CEP162: variants seen among roughly 807,000 people sequenced by gnomAD.
The protein encoded by CEP162 is centrosomal protein 162.
A neutral mutation model predicts 169.2 loss-of-function variants in CEP162; 141 were observed. The ratio of observed to expected loss-of-function variants is 0.83; its 90% confidence interval spans 0.73 to 0.96. The LOEUF (loss-of-function observed/expected upper bound fraction) is 0.96, where lower values mean the gene tolerates loss of function less well. Ranked by LOEUF, CEP162 falls within the 40% of genes least tolerant of loss-of-function variation. CEP162 has a pLI of 0.00. For missense variants in CEP162, 1,600 were observed against 1,587.2 expected, an observed-to-expected ratio of 1.01 and a Z score of -0.14; for synonymous variants, 540 against 526.4, an observed-to-expected ratio of 1.03 and a Z score of -0.35.
intron 18 of CEP162, among the ~76,000 whole-genome samples, chr6:84,167,177 T>C (rs1293550524): frequency 6.6e-6 from 1 of 152,200 alleles, no homozygotes; most frequent in East Asian, 1.9e-4. Context: ...AATGTGCAAT[T>C]AGGGCATCTC....
chr6:84,186,826 A>C (rs945198922), intron 11 of CEP162, among the ~76,000 whole-genome samples: 3 of 152,192 alleles, frequency 2.0e-5, no homozygotes, highest in Non-Finnish European at 4.4e-5. Context: ...TTCGGATAAT[A>C]ATTTTAATGC....
intron 2 of CEP162, among the ~76,000 whole-genome samples, chr6:84,224,206 A>G (rs1395807231): frequency 6.6e-6 from 1 of 152,266 alleles, no homozygotes; most frequent in Non-Finnish European, 1.5e-5. Flanking sequence ...ACTTATCCAT[A>G]AAAAGAAATG....
rs1372068749 is a variant in CEP162 at position 84,149,317 on chromosome 6, ATATT to A, written c.3771+241_3771+244del. 1.0e-3 allele frequency among the ~76,000 whole-genome samples: 157 copies of A among 152,232 alleles called. 1 individual carries two copies. Among genetic ancestry groups the A allele is most frequent in the Non-Finnish European group, 1.2e-4 (8 of 68,002 alleles). On this transcript the variant is annotated intron_variant, in intron 24 of 26. Transcript: ENST00000403245. ...AGAAGTATAGGGACAAACTGTAAAA[ATATT>A]TATTTATATGGTGTAGTTTTAAAGT...
At chr6:84,204,910 G>C (rs1415135155) in intron 6 of CEP162, among the ~76,000 whole-genome samples, 2 of 152,150 alleles carry the variant, frequency 1.3e-5, no homozygotes, top group Non-Finnish European at 2.9e-5. Flanking sequence ...CGATCCCACA[G>C]AAATACAAAC....
intron 24 of CEP162, among the ~76,000 whole-genome samples, chr6:84,149,297 T>C (rs1255224120): frequency 6.6e-6 from 1 of 152,064 alleles, no homozygotes; most frequent in Non-Finnish European, 1.5e-5. Flanking sequence ...ATTTGAGAAG[T>C]ATAGGGACAA....
chr6:84,143,738 G>GACATTACTAGTAA (rs2099517664), intron 25 of CEP162, among the ~76,000 whole-genome samples: 2 of 151,956 alleles, frequency 1.3e-5, no homozygotes, highest in African/African-American at 2.4e-5. Flanking sequence ...CAAAAGTACA[G>GACATTACTAGTAA]TGGACAAAAC....
Position 84,164,756 on chromosome 6 carries a change from A to C in CEP162, c.2386-1486T>G, listed in dbSNP as rs535873774. 2.6e-5 allele frequency among the ~76,000 whole-genome samples: 4 copies of C among 152,204 alleles called. No individual in the cohort carries two copies. The East Asian group carries it at 7.7e-4, about 29-fold the overall frequency. On this transcript the variant is annotated intron_variant, in intron 18 of 26. Coordinates refer to ENST00000403245, the MANE Select transcript of CEP162 (RefSeq NM_014895.4). The stretch of plus-strand genomic sequence containing the variant: ...AAATACCTAATGCAGGTGGGGCTTA[A>C]AACCTACATGATAGGTTGATAGGGG...
In CEP162 at chr6:84,226,403, T is replaced by C. The variant is rs757464353; in HGVS notation, c.-10A>G. ...GGGAACAGTTAGCCATAGTCAACAA[T>C]TTTGACCTCCCAAAGTAAACATTCT... On this transcript the variant is annotated 5_prime_UTR_variant, in exon 2 of 27. Transcript: ENST00000403245. The C allele has an allele frequency of 1.3e-6, 2 of 1,562,034 alleles. No individual in the cohort carries two copies. The highest frequency in any genetic ancestry group is 1.9e-5 in the Admixed American group (1 of 53,010).
chr6:84,178,929 C>T (rs985655593), intron 13 of CEP162, among the ~76,000 whole-genome samples: 11 of 151,980 alleles, frequency 7.2e-5, no homozygotes, highest in East Asian at 5.8e-4. Context: ...TTTGTCCTTG[C>T]GATAGTTTGC....
chr6:84,148,270 A>G (rs2099519824), intron 24 of CEP162, among the ~76,000 whole-genome samples: 1 of 152,116 alleles, frequency 6.6e-6, no homozygotes, highest in Non-Finnish European at 1.5e-5. Context: ...GCCCCTAAAT[A>G]CTTCAAATGC....
chr6:84,187,897 TG>T (rs2099537930), intron 11 of CEP162, among the ~76,000 whole-genome samples: 1 of 152,198 alleles, frequency 6.6e-6, no homozygotes, highest in African/African-American at 2.4e-5. Context: ...CAGAATGAGC[TG>T]GTTTGTAAGC....
At chr6:84,155,700 G>C in intron 21 of CEP162, 190 bp from the exon 22 acceptor site, 1 of 549,624 alleles carries the variant, frequency 1.8e-6, no homozygotes, top group Non-Finnish European at 3.2e-6. Flanking sequence ...ATGTTTGCCA[G>C]GAGAACTACA....
chr6:84,145,803 T>C (rs1419631808), intron 25 of CEP162, among the ~76,000 whole-genome samples: 1 of 152,146 alleles, frequency 6.6e-6, no homozygotes, highest in Non-Finnish European at 1.5e-5. Flanking sequence ...CTGCGTGTCT[T>C]ATAACTAGAC....
At chr6:84,201,835 AT>A in intron 7 of CEP162, 68 bp from the exon 8 acceptor site, 1 of 766,054 alleles carries the variant, frequency 1.3e-6, no homozygotes, top group Non-Finnish European at 2.1e-6. Flanking sequence ...CACAATGCAA[AT>A]AATAGCAAAA....
intron 6 of CEP162, among the ~76,000 whole-genome samples, chr6:84,211,047 G>A (rs1257595899): frequency 6.6e-6 from 1 of 152,000 alleles, no homozygotes; most frequent in African/African-American, 2.4e-5. Flanking sequence ...AGACTTCTAA[G>A]AGGCAGGAAA....
At chr6:84,226,610 C>G (rs772125940) in intron 1 of CEP162, among the ~76,000 whole-genome samples, 158 bp from the exon 2 acceptor site, 1 of 152,180 alleles carries the variant, frequency 6.6e-6, no homozygotes, top group Non-Finnish European at 1.5e-5. Context: ...ATTAAGCAAA[C>G]TGATTTGGAA....
At chr6:84,137,747 T>C (rs932258469) in intron 25 of CEP162, among the ~76,000 whole-genome samples, 3 of 152,086 alleles carry the variant, frequency 2.0e-5, no homozygotes, top group Non-Finnish European at 4.4e-5. Flanking sequence ...AGTGGAACAA[T>C]AGATTGAAAA....
chr6:84,168,058 A>G (rs1289076686), intron 18 of CEP162, among the ~76,000 whole-genome samples: 1 of 151,960 alleles, frequency 6.6e-6, no homozygotes, highest in African/African-American at 2.4e-5. Context: ...TTTTCCCAGT[A>G]TCTTTTGGTG....
At chr6:84,131,659 C>T (rs1010552677) in intron 25 of CEP162, among the ~76,000 whole-genome samples, 1 of 142,636 alleles carries the variant, frequency 7.0e-6, no homozygotes, top group Non-Finnish European at 1.5e-5. Flanking sequence ...AGGATTGCAA[C>T]CGCTGCTTTT....
Sources: allele counts gnomAD v4.1 joint callset (sites outside exome capture counted in the v4.1 genomes callset), GRCh38; gene constraint gnomAD v4.1.1; transcripts MANE v1.5; gene names NCBI Gene and HGNC (gene_info 2026-07-23, HGNC 2026-07-21).